Variants in KCNQ3 observed in about 807,000 individuals in gnomAD.
KCNQ3 encodes potassium voltage-gated channel subfamily KQT member 3.
Under a neutral mutation model 92.5 loss-of-function variants are expected in KCNQ3, and 30 were observed. The ratio of observed to expected loss-of-function variants is 0.32; its 90% CI spans 0.24 to 0.44. KCNQ3 has a LOEUF of 0.44. KCNQ3 is among the 20% of genes least tolerant of loss of function. The pLI is 1.00. For synonymous variants in KCNQ3, 450 were observed against 468.8 expected, an observed-to-expected ratio of 0.96 and a Z score of 0.52; for missense variants, 913 against 1,140.3, an observed-to-expected ratio of 0.80 and a Z score of 2.87.
At chr8:132,185,000 T>G (rs1384312191) in intron 2 of KCNQ3, among the ~76,000 whole-genome samples, 3 of 152,204 alleles carry the variant, frequency 2.0e-5, no homozygotes, top group Non-Finnish European at 2.9e-5. Context: ...GGTCCCCCTT[T>G]CCTCCTGCAA....
intron 1 of KCNQ3, among the ~76,000 whole-genome samples, chr8:132,411,450 GAGA>G (rs973651361): frequency 5.9e-5 from 9 of 152,156 alleles, no homozygotes; most frequent in African/African-American, 9.7e-5. Context: ...TCAGCAGAAA[GAGA>G]AGGAGGTGGC....
At chr8:132,384,894 G>T (rs1819851896) in intron 1 of KCNQ3, among the ~76,000 whole-genome samples, 1 of 152,172 alleles carries the variant, frequency 6.6e-6, no homozygotes, top group Admixed American at 6.5e-5. Context: ...AATTAAACAG[G>T]ATAATCCACA....
At chr8:132,347,580 G>A (rs1818730201) in intron 1 of KCNQ3, among the ~76,000 whole-genome samples, 1 of 152,194 alleles carries the variant, frequency 6.6e-6, no homozygotes, top group Non-Finnish European at 1.5e-5. Context: ...AGAGCAAAGG[G>A]CAGCAGCAAC....
intron 1 of KCNQ3, among the ~76,000 whole-genome samples, chr8:132,208,296 C>A (rs927207202): frequency 7.3e-5 from 11 of 151,690 alleles, no homozygotes; most frequent in African/African-American, 2.7e-4. Flanking sequence ...GGAGAAAGGG[C>A]GGTCAACAGT....
intron 1 of KCNQ3, among the ~76,000 whole-genome samples, chr8:132,414,345 G>A (rs1820735369): frequency 6.6e-6 from 1 of 152,188 alleles, no homozygotes; most frequent in South Asian, 2.1e-4. Flanking sequence ...CTCTAGCAGA[G>A]CTGAGAGATG....
chr8:132,449,740 G>A (rs1407982270), intron 1 of KCNQ3, among the ~76,000 whole-genome samples: 2 of 152,204 alleles, frequency 1.3e-5, no homozygotes, highest in Non-Finnish European at 2.9e-5. Flanking sequence ...ATCATGGACT[G>A]CTTGGTGGGA....
chr8:132,434,653 C>T (rs1396370058), intron 1 of KCNQ3, among the ~76,000 whole-genome samples: 1 of 152,114 alleles, frequency 6.6e-6, no homozygotes, highest in East Asian at 1.9e-4. Flanking sequence ...TAAGCAAAAT[C>T]AAAATGATGT....
chr8:132,479,133 A>G (rs961892894), intron 1 of KCNQ3, among the ~76,000 whole-genome samples: 3 of 152,164 alleles, frequency 2.0e-5, no homozygotes, highest in Non-Finnish European at 4.4e-5. Context: ...GGGTGCTGAC[A>G]GCACAGATTT....
In KCNQ3 at chr8:132,403,016, C is replaced by CAAAAAAAAAAAAAAAAAAA. The variant is rs375099145; in HGVS notation, c.386+77130_386+77131insTTTTTTTTTTTTTTTTTTT. Among the ~76,000 whole-genome samples the CAAAAAAAAAAAAAAAAAAA allele has an allele frequency of 2.8e-3, 189 of 67,604 alleles. 37 individuals are homozygous for CAAAAAAAAAAAAAAAAAAA. The highest frequency in any genetic ancestry group is 0.014 in the African/African-American group (169 of 11,684). The allele number at this position is 67,604 out of a possible 152,430, so 44.4% of individuals were successfully genotyped here. A position where few individuals can be genotyped will look rare whatever the true frequency, so the allele number is the denominator to read the frequency against. ...CTGGCAACAGGGCGAGGCACCATCA[C>CAAAAAAAAAAAAAAAAAAA]AAAAAAAAAAAAAAAAGTGTCAATA... On this transcript the variant is annotated intron_variant, in intron 1 of 14. Coordinates refer to ENST00000388996, the MANE Select transcript of KCNQ3 (RefSeq NM_004519.4).
intron 1 of KCNQ3, among the ~76,000 whole-genome samples, chr8:132,382,014 A>G (rs1446279795): frequency 6.6e-6 from 1 of 152,252 alleles, no homozygotes; most frequent in Non-Finnish European, 1.5e-5. Context: ...TGAACTAACC[A>G]GGCAGAGAGC....
chr8:132,456,475 G>GTT (rs56381933), intron 1 of KCNQ3, among the ~76,000 whole-genome samples: 1 of 151,596 alleles, frequency 6.6e-6, no homozygotes, highest in Non-Finnish European at 1.5e-5. Context: ...GTGTGTGTGT[G>GTT]TGTGTGTGTG....
intron 1 of KCNQ3, among the ~76,000 whole-genome samples, chr8:132,279,364 G>A (rs1816442618): frequency 6.6e-6 from 1 of 152,162 alleles, no homozygotes; most frequent in South Asian, 2.1e-4. Context: ...TGGACCAGAG[G>A]ATCAACATTA....
At chr8:132,276,883 G>A (rs533725251) in intron 1 of KCNQ3, among the ~76,000 whole-genome samples, 2 of 152,258 alleles carry the variant, frequency 1.3e-5, no homozygotes, top group Admixed American at 1.3e-4. Context: ...ACCTATTTCA[G>A]AGCAATGCTG....
At chr8:132,137,741 A>G in intron 12 of KCNQ3, 144 bp downstream of exon 12, 1 of 1,021,388 alleles carries the variant, frequency 9.8e-7, no homozygotes, top group Non-Finnish European at 1.5e-6. Flanking sequence ...TTGTTGGCCT[A>G]GACATCCACA....
At chr8:132,281,586 T>C (rs1030636689) in intron 1 of KCNQ3, among the ~76,000 whole-genome samples, 1 of 151,808 alleles carries the variant, frequency 6.6e-6, no homozygotes, top group Non-Finnish European at 1.5e-5. Context: ...TGGACCTACT[T>C]CATTCCATCT....
In KCNQ3 at chr8:132,461,728, T is replaced by C. The variant is rs549217052; in HGVS notation, c.386+18419A>G. Among the ~76,000 whole-genome samples the C allele has an allele frequency of 3.9e-5, 6 of 152,322 alleles. No homozygotes were observed. The East Asian group carries it at 1.2e-3, about 29-fold the overall frequency. On this transcript the variant is annotated intron_variant, in intron 1 of 14. Coordinates refer to ENST00000388996, the MANE Select transcript of KCNQ3 (RefSeq NM_004519.4). ...TTTTAGCCACCCCCATTCAAATAGG[T>C]GTGTAGTGATATCTCATTGTTGTTT... is the stretch of plus-strand genomic sequence containing the variant.
At chr8:132,177,881 G>T (rs527392895) in intron 4 of KCNQ3, among the ~76,000 whole-genome samples, 15 of 152,334 alleles carry the variant, frequency 9.8e-5, no homozygotes, top group East Asian at 7.7e-4. Flanking sequence ...CTTTCGGGAG[G>T]ACTCACAACA....
chr8:132,442,443 G>C (rs777575858), intron 1 of KCNQ3, among the ~76,000 whole-genome samples: 1 of 152,194 alleles, frequency 6.6e-6, no homozygotes, highest in Non-Finnish European at 1.5e-5. Flanking sequence ...CAAACTCCAT[G>C]GAGCTGCAGA....
rs986073875 is a variant in KCNQ3, at chr8:132,479,200, G to A, written c.386+947C>T. 2.0e-5 allele frequency among the ~76,000 whole-genome samples: 3 copies of A among 152,022 alleles called. No individual in the cohort carries two copies. In the East Asian group the frequency reaches 5.8e-4, roughly 30 times the overall value. ...CTCTCCCCCCTCCCAAATACGGGTGGATTTTCCATCCCCAGTGGCAGGTGC... is the reference window on the plus strand; with the variant it reads ...CTCTCCCCCCTCCCAAATACGGGTGAATTTTCCATCCCCAGTGGCAGGTGC... On this transcript the variant is annotated intron_variant, in intron 1 of 14. Coordinates refer to ENST00000388996, the MANE Select transcript of KCNQ3 (RefSeq NM_004519.4).
Sources: allele counts gnomAD v4.1 joint callset (sites outside exome capture counted in the v4.1 genomes callset), GRCh38; gene constraint gnomAD v4.1.1; transcripts MANE v1.5; gene names NCBI Gene and HGNC (gene_info 2026-07-23, HGNC 2026-07-21).